WDR27: variants seen among roughly 807,000 people sequenced by gnomAD.
WDR27 encodes the protein WD repeat domain 27.
WDR27 carries 100 observed loss-of-function variants against 114.4 expected under a neutral mutation model. The ratio of observed to expected loss-of-function variants is 0.87; its 90% CI spans 0.74 to 1.03. The LOEUF is 1.03. WDR27 is among the 50% of genes least tolerant of loss of function. The pLI is 0.00. For missense variants in WDR27, 1,129 were observed against 1,092.9 expected, an observed-to-expected ratio of 1.03 and a Z score of -0.47; for synonymous variants, 449 against 423.1, an observed-to-expected ratio of 1.06 and a Z score of -0.75.
chr6:169,612,474 T>C (rs1301763983), intron 22 of WDR27, among the ~76,000 whole-genome samples: 1 of 149,734 alleles, frequency 6.7e-6, no homozygotes, highest in Non-Finnish European at 1.5e-5. Flanking sequence ...TAGGTGGGCA[T>C]GGTGGCACTT....
Position 169,664,205 on chromosome 6 carries a change from A to G in WDR27, c.865T>C (p.Ser289Pro), listed in dbSNP as rs764004675. 5.0e-6 allele frequency: 8 copies of G among 1,611,358 alleles called. No individual in the cohort carries two copies. The highest frequency in any genetic ancestry group is 6.8e-6 in the Non-Finnish European group (8 of 1,178,530). Residue 289 changes from serine to proline, a missense_variant, in exon 8 of 26, where the codon TCC (serine) becomes CCC (proline). By Grantham distance (74) the Ser-to-Pro change is moderately conservative (BLOSUM62 -1). Coordinates refer to ENST00000448612, the MANE Select transcript of WDR27 (RefSeq NM_182552.5). ...VDLRKKTETF[S>P]TRRVKSGLCS... Reference sequence around the variant, plus strand: ...AGCCCAGACTTAACCCTTCTTGTGGAGAAAGTCTCTGTCTTCTTCCTTAGG... The same window carrying G: ...AGCCCAGACTTAACCCTTCTTGTGGGGAAAGTCTCTGTCTTCTTCCTTAGG...
chr6:169,491,962 C>A (rs1223347841), intron 25 of WDR27, among the ~76,000 whole-genome samples: 1 of 151,998 alleles, frequency 6.6e-6, no homozygotes, highest in Admixed American at 6.6e-5. Flanking sequence ...AAAAATAAAT[C>A]TATAAATTAA....
At chr6:169,525,125 G>C (rs969571189) in intron 25 of WDR27, among the ~76,000 whole-genome samples, 1 of 152,090 alleles carries the variant, frequency 6.6e-6, no homozygotes, top group South Asian at 2.1e-4. Context: ...CTGAATAGAC[G>C]TTTCTCAAAA....
At chr6:169,642,858 G>A (rs532093135) in intron 17 of WDR27, among the ~76,000 whole-genome samples, 56 of 152,360 alleles carry the variant, frequency 3.7e-4, no homozygotes, top group African/African-American at 7.5e-4. Context: ...GCGACAGGCT[G>A]TGTGTCCCAT....
At chr6:169,452,902 A>T (rs1784212620), downstream of WDR27, among the ~76,000 whole-genome samples, 1 of 152,226 alleles carries the variant, frequency 6.6e-6, no homozygotes, top group South Asian at 2.1e-4. Context: ...GTTTTAGCTC[A>T]CAGTGATGTC....
At chr6:169,626,137 C>T in intron 21 of WDR27, among the ~76,000 whole-genome samples, 1 of 152,216 alleles carries the variant, frequency 6.6e-6, no homozygotes, top group East Asian at 1.9e-4. Flanking sequence ...GTTCTGAAGG[C>T]ACAGGTCCAC....
intron 21 of WDR27, among the ~76,000 whole-genome samples, chr6:169,626,363 G>A (rs1465368077): frequency 6.6e-6 from 1 of 152,194 alleles, no homozygotes; most frequent in African/African-American, 2.4e-5. Flanking sequence ...ACCAGCCAAG[G>A]GGGGTTGCAT....
At chr6:169,632,478 T>C (rs1816669308) in intron 21 of WDR27, among the ~76,000 whole-genome samples, 1 of 152,290 alleles carries the variant, frequency 6.6e-6, no homozygotes, top group East Asian at 1.9e-4. Context: ...AATGAACTCA[T>C]CAAATGTTTC....
At chr6:169,641,073 C>T (rs967958141) in intron 17 of WDR27, among the ~76,000 whole-genome samples, 23 of 152,362 alleles carry the variant, frequency 1.5e-4, no homozygotes, top group Admixed American at 2.6e-4. Flanking sequence ...CCAAGGCCAG[C>T]AGAGGCACCG....
chr6:169,487,419 G>A lies in WDR27; in HGVS notation c.2646-29785C>T, dbSNP rs570010969. 4.6e-5 allele frequency among the ~76,000 whole-genome samples: 7 copies of A among 152,254 alleles called. No individual in the cohort carries two copies. The East Asian group carries it at 1.4e-3, about 29-fold the overall frequency. On this transcript the variant is annotated intron_variant, in intron 25 of 25. Transcript: ENST00000448612. ...AGAAGGCCGTTTGCAAAGAGGAGGA[G>A]TGTCAGGAAACAGAAGGTGCGTGCT... is the stretch of plus-strand genomic sequence containing the variant.
the WDR27 span, chr6:169,426,651 C>G: frequency 6.6e-6 from 1 of 152,300 alleles, no homozygotes; most frequent in African/African-American, 2.4e-5. Context: ...GTGCTTCCTG[C>G]AGGCCATGCT....
Position 169,659,973 on chromosome 6 carries a change from A to G in WDR27, c.1130-455T>C, listed in dbSNP as rs1038130306. 1.3e-5 allele frequency among the ~76,000 whole-genome samples: 2 copies of G among 151,682 alleles called. No homozygotes were observed. Among genetic ancestry groups the G allele is most frequent in the African/African-American group, 4.8e-5 (2 of 41,270 alleles). ...GGGAAGGGCGTGTGTGAAGACACAG[A>G]TGCATCCCACAGCCCCACAGAGGTC... On this transcript the variant is annotated intron_variant, in intron 10 of 25. Coordinates refer to ENST00000448612, the MANE Select transcript of WDR27 (RefSeq NM_182552.5). The surrounding 1 kb of genome is among the most constrained non-coding windows in gnomAD (Gnocchi z 4.3).
rs562514949 is a variant in WDR27, at chr6:169,649,973, A to G, written c.1482-698T>C. On this transcript the variant is annotated intron_variant, in intron 14 of 25. Coordinates refer to ENST00000448612, the MANE Select transcript of WDR27 (RefSeq NM_182552.5). ...TCCATCCCCCACCATCCATGCACCC[A>G]TGCATTCATCTCTCATCCCTCCATC... Among the ~76,000 whole-genome samples the G allele has an allele frequency of 2.3e-4, 23 of 98,740 alleles. 1 individual carries two copies. The South Asian group carries it at 7.0e-3, about 30-fold the overall frequency. 64.8% of individuals were successfully genotyped at this position (98,740 alleles called of 152,430 possible). A position where few individuals can be genotyped will look rare whatever the true frequency, so the allele number is the denominator to read the frequency against.
At chr6:169,455,040 C>A (rs1784296748), downstream of WDR27, among the ~76,000 whole-genome samples, 1 of 152,218 alleles carries the variant, frequency 6.6e-6, no homozygotes, top group Non-Finnish European at 1.5e-5. Flanking sequence ...TGAACCTGGA[C>A]TTTCCTTGAG....
At chr6:169,532,042 A>G (rs1795668248) in intron 25 of WDR27, among the ~76,000 whole-genome samples, 1 of 152,226 alleles carries the variant, frequency 6.6e-6, no homozygotes, top group Admixed American at 6.5e-5. Flanking sequence ...AAAGTCTTAA[A>G]TAAACTAAAA....
Position 169,518,277 on chromosome 6 carries a change from A to T in WDR27, c.2645+54142T>A, listed in dbSNP as rs190023011. ...TTGGGGACTCTGTGTGGGTCTAGCA[A>T]CCCTGAATTTCCCCTCTGAACTGCC... On this transcript the variant is annotated intron_variant, in intron 25 of 25. Coordinates refer to ENST00000448612, the MANE Select transcript of WDR27 (RefSeq NM_182552.5). 2.6e-4 allele frequency among the ~76,000 whole-genome samples: 39 copies of T among 152,316 alleles called. No homozygotes were observed. In the East Asian group the frequency reaches 6.8e-3, roughly 26 times the overall value.
intron 17 of WDR27, among the ~76,000 whole-genome samples, chr6:169,638,985 T>C (rs548074682): frequency 1.3e-5 from 2 of 151,796 alleles, no homozygotes; most frequent in African/African-American, 4.8e-5. Context: ...CTGGGTACTG[T>C]GCAGTGCTGG....
chr6:169,657,013 G>A (rs1265737276), intron 13 of WDR27, among the ~76,000 whole-genome samples: 1 of 152,148 alleles, frequency 6.6e-6, no homozygotes, highest in Non-Finnish European at 1.5e-5. Context: ...CATGGTGATG[G>A]GACGGCAGCA....
Position 169,582,817 on chromosome 6 carries a change from C to T in WDR27, c.2523+19G>A. 6.3e-7 allele frequency: 1 copy of T among 1,598,638 alleles called. No homozygotes were observed. Among genetic ancestry groups the T allele is most frequent in the Non-Finnish European group, 8.6e-7 (1 of 1,167,462 alleles). Reference sequence around the variant, plus strand: ...CTTGTATGCAGCAGAGGCGCCCCACCCACTCAGCAAGACTGTACCTGGGGC... The same window carrying T: ...CTTGTATGCAGCAGAGGCGCCCCACTCACTCAGCAAGACTGTACCTGGGGC... On this transcript the variant is annotated intron_variant, in intron 24 of 25. Transcript: ENST00000448612.
Sources: gnomAD v4.1 joint callset for allele counts (sites outside exome capture counted in the v4.1 genomes callset) on GRCh38, gnomAD v4.1.1 for gene constraint, Gnocchi (gnomAD v3.1) non-coding constraint, MANE v1.5 for transcripts, NCBI Gene and HGNC (gene_info 2026-07-23, HGNC 2026-07-21) for gene names.